TMEM232: variants seen among roughly 807,000 people sequenced by gnomAD.
The protein encoded by TMEM232 is transmembrane protein 232.
A neutral mutation model predicts 78.8 loss-of-function variants in TMEM232; 80 were observed. That is an observed-to-expected ratio of 1.01 (90% confidence interval 0.85 to 1.22). TMEM232 has a LOEUF of 1.22. Ranked by LOEUF, TMEM232 falls within the 50% of genes most tolerant of loss-of-function variation. The pLI is 0.00. For synonymous variants in TMEM232, 297 were observed against 254.3 expected (o/e 1.17, Z -1.60); for missense variants, 881 against 742.2 (o/e 1.19, Z -2.17).
intron 12 of TMEM232, among the ~76,000 whole-genome samples, chr5:110,482,162 A>G (rs1254972649): frequency 6.6e-6 from 1 of 152,190 alleles, no homozygotes; most frequent in Non-Finnish European, 1.5e-5. Context: ...CCAAACAACA[A>G]GAGCAGACAT....
In TMEM232 at chr5:110,597,120, T is replaced by C. The variant is rs572646719; in HGVS notation, c.1276+7989A>G. 4.1e-4 allele frequency among the ~76,000 whole-genome samples: 63 copies of C among 152,182 alleles called. No individual in the cohort carries two copies. In the East Asian group the frequency reaches 0.011, roughly 26 times the overall value. On this transcript the variant is annotated intron_variant, in intron 10 of 13. Coordinates refer to ENST00000455884, the MANE Select transcript of TMEM232 (RefSeq NM_001039763.4). ...TGATTGTATATCTAGAAAACCCCAT[T>C]GTCTCAGCCCAAAATCTCCTTAAGC...
At chr5:110,443,019 G>A (rs574806289) in intron 12 of TMEM232, among the ~76,000 whole-genome samples, 1 of 152,308 alleles carries the variant, frequency 6.6e-6, no homozygotes, top group Non-Finnish European at 1.5e-5. Flanking sequence ...CTGGGACTAT[G>A]CTGGGTCAAC....
chr5:110,651,467 A>AGAGGGAAG (rs774489027), intron 2 of TMEM232, among the ~76,000 whole-genome samples: 86 of 150,690 alleles, frequency 5.7e-4, no homozygotes, highest in Non-Finnish European at 8.3e-4. Flanking sequence ...GGAAAGGGAA[A>AGAGGGAAG]GAGGGAAGGA....
intron 13 of TMEM232, 88 bp from the exon 14 acceptor site, chr5:110,420,844 C>T (rs1469740536): frequency 7.0e-7 from 1 of 1,436,022 alleles, no homozygotes. Context: ...TTCTTATATC[C>T]AATTATCCTT....
At chr5:110,526,556 C>T (rs750131836) in intron 12 of TMEM232, among the ~76,000 whole-genome samples, 1 of 151,800 alleles carries the variant, frequency 6.6e-6, no homozygotes, top group African/African-American at 2.4e-5. Flanking sequence ...TTGTCAACAC[C>T]CTCCGTTGGG....
intron 1 of TMEM232, among the ~76,000 whole-genome samples, chr5:110,705,118 G>A (rs1257148347): frequency 1.3e-5 from 2 of 152,108 alleles, no homozygotes; most frequent in Non-Finnish European, 2.9e-5. Flanking sequence ...CATCTCACCT[G>A]AACTTGGAAC....
intron 10 of TMEM232, among the ~76,000 whole-genome samples, chr5:110,574,947 T>C (rs576831577): frequency 1.3e-5 from 2 of 152,066 alleles, no homozygotes; most frequent in Admixed American, 6.6e-5. Flanking sequence ...AGACTTGTAG[T>C]TGGTGTTAGA....
intron 5 of TMEM232, among the ~76,000 whole-genome samples, chr5:110,630,093 T>C (rs1784929383): frequency 6.6e-6 from 1 of 152,174 alleles, no homozygotes; most frequent in Admixed American, 6.5e-5. Flanking sequence ...AGATATGTAA[T>C]GAAAACCCTA....
At chr5:110,543,385 C>T (rs1013033379) in intron 11 of TMEM232, among the ~76,000 whole-genome samples, 1 of 152,112 alleles carries the variant, frequency 6.6e-6, no homozygotes, top group East Asian at 1.9e-4. Context: ...AAATTTCAGT[C>T]AAATGTATAC....
intron 1 of TMEM232, among the ~76,000 whole-genome samples, chr5:110,702,879 T>A (rs1795569998): frequency 6.6e-6 from 1 of 152,056 alleles, no homozygotes; most frequent in Admixed American, 6.6e-5. Flanking sequence ...ATGGCTAATA[T>A]TTACACTGAC....
chr5:110,391,191 A>G (rs927593215), intron 3 of TMEM232, among the ~76,000 whole-genome samples: 2 of 152,084 alleles, frequency 1.3e-5, no homozygotes, highest in African/African-American at 2.4e-5. Context: ...GCTAATAAGC[A>G]TGGCATATCT....
intron 12 of TMEM232, among the ~76,000 whole-genome samples, chr5:110,483,492 C>T (rs1046044587): frequency 3.9e-5 from 6 of 151,990 alleles, no homozygotes; most frequent in Non-Finnish European, 7.4e-5. Context: ...AGCAAACTAT[C>T]ACAAGGACAA....
intron 4 of TMEM232, among the ~76,000 whole-genome samples, chr5:110,390,250 T>G (rs1321981226): frequency 6.6e-6 from 1 of 152,172 alleles, no homozygotes; most frequent in Non-Finnish European, 1.5e-5. Context: ...ACTGATACAA[T>G]CTCACTGCAG....
At chr5:110,685,086 G>A (rs1360128468) in intron 1 of TMEM232, among the ~76,000 whole-genome samples, 2 of 151,640 alleles carry the variant, frequency 1.3e-5, no homozygotes, top group East Asian at 1.9e-4. Context: ...TACATATATT[G>A]GGAAATAAAA....
chr5:110,550,899 A>C (rs1386839632), intron 11 of TMEM232, among the ~76,000 whole-genome samples: 1 of 151,244 alleles, frequency 6.6e-6, no homozygotes, highest in Non-Finnish European at 1.5e-5. Context: ...AAAAGTTCAG[A>C]TAATCTAGAA....
chr5:110,467,915 TTTG>T (rs201199588), intron 12 of TMEM232, among the ~76,000 whole-genome samples: 4,382 of 152,210 alleles, frequency 0.029, 70 homozygotes, highest in African/African-American at 0.047. Flanking sequence ...TTCTATACTC[TTTG>T]GCTTTGGGTG....
At chr5:110,651,955 G>A (rs1264015575) in intron 2 of TMEM232, among the ~76,000 whole-genome samples, 1 of 151,962 alleles carries the variant, frequency 6.6e-6, no homozygotes, top group Non-Finnish European at 1.5e-5. Flanking sequence ...TTTTACTGTT[G>A]TACATAGAAT....
chr5:110,652,404 A>T (rs898625893), intron 2 of TMEM232, among the ~76,000 whole-genome samples: 3 of 152,092 alleles, frequency 2.0e-5, no homozygotes, highest in African/African-American at 7.3e-5. Context: ...TAGGGAAAAC[A>T]TAGTTATGTC....
At chr5:110,629,157 T>C (rs1001389616) in intron 5 of TMEM232, among the ~76,000 whole-genome samples, 2 of 152,008 alleles carry the variant, frequency 1.3e-5, no homozygotes, top group African/African-American at 4.8e-5. Flanking sequence ...AGGAAACTAC[T>C]CTCATAGATA....
Sources: allele counts gnomAD v4.1 joint callset (sites outside exome capture counted in the v4.1 genomes callset), GRCh38; gene constraint gnomAD v4.1.1; transcripts MANE v1.5; gene names NCBI Gene and HGNC (gene_info 2026-07-23, HGNC 2026-07-21).